The following NBL1 variants were observed in gnomAD, a reference collection of about 807,000 sequenced individuals.
NBL1 encodes neuroblastoma suppressor of tumorigenicity 1.
Under a neutral mutation model 16.0 loss-of-function variants are expected in NBL1, and 9 were observed. The ratio of observed to expected loss-of-function variants is 0.56; its 90% CI spans 0.34 to 0.98. The LOEUF (loss-of-function observed/expected upper bound fraction) is 0.98. Among genes scored for constraint, NBL1 ranks in the 50% least tolerant of loss-of-function variants. NBL1 has a pLI of 0.02. For missense variants in NBL1, 196 were observed against 243.1 expected (o/e 0.81, Z 1.29); for synonymous variants, 86 against 100.7 (o/e 0.85, Z 0.87).
chr1:19,646,341 A>C (rs1173785832), intron 1 of NBL1, among the ~76,000 whole-genome samples: 1 of 152,216 alleles, frequency 6.6e-6, no homozygotes, highest in Non-Finnish European at 1.5e-5. Flanking sequence ...GGGGGGAAGC[A>C]AATGGTCAGT....
rs1340527183 is a variant in NBL1, at chr1:19,657,088, C to CG, written c.505_506insG (p.Pro169ArgfsTer12). Reference sequence around the variant, plus strand: ...GCAGACCCCTGAGCCCGAGGACCCCCCTGGGGCCCCCCACACAGAGGAAGA... The same window carrying CG: ...GCAGACCCCTGAGCCCGAGGACCCCCGCTGGGGCCCCCCACACAGAGGAAGA... On this transcript the variant is annotated frameshift_variant, in exon 4 of 4. Coordinates refer to ENST00000375136, the MANE Select transcript of NBL1 (RefSeq NM_005380.8). LOFTEE classifies it high-confidence loss of function. 1 of 1,516,496 alleles carries CG rather than the reference C, an allele frequency of 6.6e-7. No homozygotes were observed. Among genetic ancestry groups the CG allele is most frequent in the Non-Finnish European group, 8.9e-7 (1 of 1,125,850 alleles). 93.9% of individuals were successfully genotyped at this position (1,516,496 alleles called of 1,614,324 possible).
At chr1:19,643,909 A>G, upstream of NBL1, 1 of 987,356 alleles carries the variant, frequency 1.0e-6, no homozygotes, top group Non-Finnish European at 1.2e-6. The surrounding 1 kb of genome is among the most constrained non-coding windows in gnomAD (Gnocchi z 4.7). Context: ...GGACACATCC[A>G]TCTTTGTCAC....
chr1:19,656,593 G>A (rs900408274), intron 3 of NBL1, among the ~76,000 whole-genome samples: 13 of 151,916 alleles, frequency 8.6e-5, no homozygotes, highest in African/African-American at 3.1e-4. Flanking sequence ...CAGGGGGATC[G>A]CGGCGGTGGG....
At chr1:19,656,750 G>A (rs1178416683) in intron 3 of NBL1, 116 bp from the exon 4 acceptor site, 5 of 1,427,590 alleles carry the variant, frequency 3.5e-6, no homozygotes, top group Admixed American at 5.6e-5. Context: ...AGCTAACTGG[G>A]CATCACAGGT....
rs1241269280 is a variant in NBL1, at chr1:19,657,075, GCCCGA to G, written c.493_497del (p.Pro165GlyfsTer14). 97 of 1,531,904 alleles carry G rather than the reference GCCCGA, an allele frequency of 6.3e-5. No individual in the cohort carries two copies. Among genetic ancestry groups the G allele is most frequent in the Non-Finnish European group, 8.4e-5 (95 of 1,136,740 alleles). The allele number at this position is 1,531,904 out of a possible 1,614,324, so 94.9% of individuals were successfully genotyped here. On this transcript the variant is annotated frameshift_variant, in exon 4 of 4. Coordinates refer to ENST00000375136, the MANE Select transcript of NBL1 (RefSeq NM_005380.8). LOFTEE classifies it high-confidence loss of function. Reference sequence around the variant, plus strand: ...CCCATCCTGGCGGGCAGACCCCTGAGCCCGAGGACCCCCCTGGGGCCCCCCACACA... The same window carrying G: ...CCCATCCTGGCGGGCAGACCCCTGAGGGACCCCCCTGGGGCCCCCCACACA...
chr1:19,648,001 G>A (rs1346562635), intron 1 of NBL1, among the ~76,000 whole-genome samples: 1 of 152,120 alleles, frequency 6.6e-6, no homozygotes, highest in Non-Finnish European at 1.5e-5. Context: ...GTGGTTTGGG[G>A]TATGCCTGCT....
At chr1:19,647,795 T>C in intron 1 of NBL1, 1 of 456,456 alleles carries the variant, frequency 2.2e-6, no homozygotes, top group Non-Finnish European at 2.9e-6. Context: ...TTGTCAGCCC[T>C]GCCCTCCACG....
chr1:19,651,849 A>G (rs376272890), intron 1 of NBL1, among the ~76,000 whole-genome samples: 1 of 152,170 alleles, frequency 6.6e-6, no homozygotes, highest in East Asian at 1.9e-4. Flanking sequence ...GCACATCACA[A>G]TGCATAATGT....
At chr1:19,652,518 G>A (rs2100427851) in intron 1 of NBL1, among the ~76,000 whole-genome samples, 1 of 152,296 alleles carries the variant, frequency 6.6e-6, no homozygotes, top group South Asian at 2.1e-4. Flanking sequence ...AGTGGGCTGG[G>A]AGTGGGGCTT....
chr1:19,652,793 G>C (rs570463273), intron 1 of NBL1, among the ~76,000 whole-genome samples: 80 of 151,764 alleles, frequency 5.3e-4, no homozygotes, highest in African/African-American at 1.8e-3. Context: ...TTTGAGACCA[G>C]CCTGGCCAAC....
At chr1:19,644,107 G>A, upstream of NBL1, 1 of 974,658 alleles carries the variant, frequency 1.0e-6, no homozygotes, top group Non-Finnish European at 1.2e-6. This position sits in a 1 kb window ranked among gnomAD's most constrained non-coding sequence, Gnocchi z 4.6. Flanking sequence ...CCGAAGCTCA[G>A]CCCGGGGCGG....
At chr1:19,644,239 C>T (rs1301719146), upstream of NBL1, 11 of 978,322 alleles carry the variant, frequency 1.1e-5, no homozygotes, top group Non-Finnish European at 1.3e-5. This position sits in a 1 kb window ranked among gnomAD's most constrained non-coding sequence, Gnocchi z 4.6. Context: ...TGCCCCCGCC[C>T]TCGCGCCCTG....
At chr1:19,651,394 A>C (rs1287751343) in intron 1 of NBL1, among the ~76,000 whole-genome samples, 1 of 152,216 alleles carries the variant, frequency 6.6e-6, no homozygotes, top group Admixed American at 6.5e-5. Flanking sequence ...AAAGGGTGGA[A>C]GGTAAGGAGG....
chr1:19,647,850 GGTGTGT>G (rs71579812), intron 1 of NBL1, among the ~76,000 whole-genome samples: 2 of 143,280 alleles, frequency 1.4e-5, no homozygotes, highest in South Asian at 2.2e-4. Context: ...GGAAAGGCCT[GGTGTGT>G]GTGTGTGTGC....
upstream of NBL1, chr1:19,643,327 A>G (rs1487469563): frequency 3.1e-6 from 5 of 1,614,020 alleles, no homozygotes; most frequent in South Asian, 3.3e-5. This position sits in a 1 kb window ranked among gnomAD's most constrained non-coding sequence, Gnocchi z 4.7. Flanking sequence ...CGGCAACCTC[A>G]TGAGTCAGAC....
At chr1:19,655,745 G>A (rs28564005) in intron 3 of NBL1, among the ~76,000 whole-genome samples, 2,978 of 152,248 alleles carry the variant, frequency 0.02, 97 homozygotes, top group African/African-American at 0.068. Context: ...GCCCTGTCCC[G>A]AGAACCTGGC....
intron 1 of NBL1, among the ~76,000 whole-genome samples, chr1:19,647,870 T>TGC (rs1002947392): frequency 2.0e-5 from 3 of 147,492 alleles, no homozygotes; most frequent in South Asian, 2.1e-4. Flanking sequence ...TGTGTGCGTG[T>TGC]GTGTGTGTGT....
chr1:19,645,884 A>C, intron 1 of NBL1: 1 of 1,540,112 alleles, frequency 6.5e-7, no homozygotes, highest in South Asian at 1.2e-5. Flanking sequence ...CACAACCTCA[A>C]GGGTCGGAGG....
At chr1:19,653,179 C>T (rs36040394) in intron 1 of NBL1, among the ~76,000 whole-genome samples, 5,039 of 143,248 alleles carry the variant, frequency 0.035, 140 homozygotes, top group African/African-American at 0.078. Context: ...CCCAGCTACA[C>T]GGGAGGCTGA....
Sources: gnomAD v4.1 joint callset for allele counts (sites outside exome capture counted in the v4.1 genomes callset) on GRCh38, gnomAD v4.1.1 for gene constraint, Gnocchi (gnomAD v3.1) non-coding constraint, MANE v1.5 for transcripts, NCBI Gene and HGNC (gene_info 2026-07-23, HGNC 2026-07-21) for gene names.